Variants in KIF26B observed in about 807,000 individuals in gnomAD.
KIF26B encodes kinesin family member 26B.
A neutral mutation model predicts 151.2 loss-of-function variants in KIF26B; 63 were observed. The ratio of observed to expected loss-of-function variants is 0.42; its 90% CI spans 0.34 to 0.51. KIF26B has a LOEUF of 0.51. Ranked by LOEUF, KIF26B falls within the 20% of genes least tolerant of loss-of-function variation. KIF26B has a pLI of 0.07. For synonymous variants in KIF26B, 1,357 were observed against 1,262.1 expected, an observed-to-expected ratio of 1.08 and a Z score of -1.59; for missense variants, 2,813 against 2,913.6, an observed-to-expected ratio of 0.97 and a Z score of 0.79.
At position 245,702,339 on chromosome 1, in the gene KIF26B, C is replaced by T. The variant is rs752985155; in HGVS notation, c.6179-119C>T. 95 of 1,107,110 alleles carry T rather than the reference C, an allele frequency of 8.6e-5. No homozygotes were observed. The highest frequency in any genetic ancestry group is 1.1e-4 in the Non-Finnish European group (85 of 761,426). 68.6% of individuals were successfully genotyped at this position (1,107,110 alleles called of 1,614,324 possible). Reference sequence around the variant, plus strand: ...GAACTCTGCAGTGGCCTAAGGCAAGCGAACTAGACCTTTAGACCAAGGGGT... The same window carrying T: ...GAACTCTGCAGTGGCCTAAGGCAAGTGAACTAGACCTTTAGACCAAGGGGT... On this transcript the variant is annotated intron_variant, in intron 14 of 14. Coordinates refer to ENST00000407071, the MANE Select transcript of KIF26B (RefSeq NM_018012.4). The surrounding 1 kb of genome is among the most constrained non-coding windows in gnomAD (Gnocchi z 4.1).
intron 2 of KIF26B, among the ~76,000 whole-genome samples, chr1:245,230,940 T>C (rs1347586235): frequency 6.6e-6 from 1 of 151,522 alleles, no homozygotes; most frequent in Non-Finnish European, 1.5e-5. Flanking sequence ...CTGGAAAATG[T>C]AAAATTAAAG....
chr1:245,183,607 T>C (rs1668944025), intron 2 of KIF26B, among the ~76,000 whole-genome samples: 1 of 152,210 alleles, frequency 6.6e-6, no homozygotes, highest in Admixed American at 6.5e-5. Context: ...CTGGGTAGAA[T>C]CAAGATTGCA....
chr1:245,508,092 C>T (rs1305005633), intron 4 of KIF26B, among the ~76,000 whole-genome samples: 3 of 152,136 alleles, frequency 2.0e-5, no homozygotes, highest in Admixed American at 1.3e-4. Context: ...GGTGTACACA[C>T]CAAGTGATGA....
At chr1:245,608,341 A>C (rs1004921988) in intron 7 of KIF26B, among the ~76,000 whole-genome samples, 2 of 152,120 alleles carry the variant, frequency 1.3e-5, no homozygotes, top group African/African-American at 4.8e-5. Flanking sequence ...CACGCTTGAT[A>C]TGTTTAGTGA....
rs532233880 is a variant in KIF26B, at chr1:245,287,276, A to T, written c.466-79558A>T. On this transcript the variant is annotated intron_variant, in intron 2 of 14. Transcript: ENST00000407071. ...TTATTAAACTTTTTTTTAAGGATTC[A>T]TATATGGTTCATTTCGTGTACTGGT... Among the ~76,000 whole-genome samples, 229 of 152,168 alleles carry T rather than the reference A, an allele frequency of 1.5e-3. 1 individual carries two copies. The highest frequency in any genetic ancestry group is 2.0e-3 in the Non-Finnish European group (138 of 68,024).
intron 2 of KIF26B, among the ~76,000 whole-genome samples, chr1:245,216,481 A>G (rs1370250110): frequency 6.7e-6 from 1 of 150,076 alleles, no homozygotes; most frequent in African/African-American, 2.5e-5. Context: ...CCAAACTATT[A>G]AAAATAAAAC....
At position 245,495,005 on chromosome 1, in the gene KIF26B, G is replaced by C. The variant is rs1322442017; in HGVS notation, c.1167-45762G>C. Among the ~76,000 whole-genome samples, 1 of 152,096 alleles carries C rather than the reference G, an allele frequency of 6.6e-6. No homozygotes were observed. Among genetic ancestry groups the C allele is most frequent in the African/African-American group, 2.4e-5 (1 of 41,396 alleles). Reference sequence around the variant, plus strand: ...CAGTGAGTCAACTTCACTTCAGCCTGAGTGACAGAGATCCTGTCTCACAAA... The same window carrying C: ...CAGTGAGTCAACTTCACTTCAGCCTCAGTGACAGAGATCCTGTCTCACAAA... On this transcript the variant is annotated intron_variant, in intron 4 of 14. Transcript: ENST00000407071. This position sits in a 1 kb window ranked among gnomAD's most constrained non-coding sequence, Gnocchi z 4.2.
chr1:245,645,156 C>A (rs1208096921), intron 9 of KIF26B, among the ~76,000 whole-genome samples: 1 of 151,930 alleles, frequency 6.6e-6, no homozygotes, highest in Admixed American at 6.5e-5. Context: ...TCCCACCAGG[C>A]CCCATCTCCA....
intron 5 of KIF26B, among the ~76,000 whole-genome samples, chr1:245,596,826 G>A (rs1479829716): frequency 2.0e-5 from 3 of 152,132 alleles, no homozygotes; most frequent in Admixed American, 6.5e-5. Flanking sequence ...CCTGTATTGG[G>A]TGCATATATA....
intron 2 of KIF26B, among the ~76,000 whole-genome samples, chr1:245,275,509 G>C (rs1479396253): frequency 1.3e-5 from 2 of 152,142 alleles, no homozygotes; most frequent in East Asian, 3.9e-4. Context: ...TTTTGTATAA[G>C]ATGTAAGGAA....
At chr1:245,581,200 A>C (rs537124644) in intron 5 of KIF26B, among the ~76,000 whole-genome samples, 1 of 152,308 alleles carries the variant, frequency 6.6e-6, no homozygotes, top group South Asian at 2.1e-4. Flanking sequence ...TAACATTTAA[A>C]CAATTGTTTC....
chr1:245,600,591 T>G (rs1351163102), intron 5 of KIF26B, among the ~76,000 whole-genome samples: 1 of 150,420 alleles, frequency 6.6e-6, no homozygotes, highest in African/African-American at 2.4e-5. Flanking sequence ...TGCTGGGCAT[T>G]CAATTCCTAG....
At chr1:245,634,424 A>T (rs2043813412) in intron 9 of KIF26B, among the ~76,000 whole-genome samples, 1 of 152,194 alleles carries the variant, frequency 6.6e-6, no homozygotes, top group Non-Finnish European at 1.5e-5. Flanking sequence ...GAGGGAAGGC[A>T]TTTAGTCTTT....
intron 2 of KIF26B, among the ~76,000 whole-genome samples, chr1:245,188,190 G>A (rs2103531240): frequency 7.1e-6 from 1 of 140,816 alleles, no homozygotes. Flanking sequence ...TAAGGCAGGA[G>A]AATCACTTGA....
intron 5 of KIF26B, among the ~76,000 whole-genome samples, chr1:245,568,251 C>T (rs75779535): frequency 0.061 from 8,854 of 145,412 alleles, 462 homozygotes; most frequent in East Asian, 0.22. Flanking sequence ...CACCGTGGCT[C>T]ATACATGTAA....
chr1:245,183,168 T>C (rs1019009761), intron 2 of KIF26B, among the ~76,000 whole-genome samples: 1 of 152,210 alleles, frequency 6.6e-6, no homozygotes, highest in Non-Finnish European at 1.5e-5. Context: ...TTTGTTGTTG[T>C]TATTGAGTTG....
intron 2 of KIF26B, among the ~76,000 whole-genome samples, chr1:245,204,522 C>T (rs957824664): frequency 5.9e-5 from 9 of 152,012 alleles, no homozygotes; most frequent in Admixed American, 2.6e-4. Flanking sequence ...TACAAGCGCC[C>T]GCCACCATGC....
chr1:245,295,738 AT>A (rs1671325555), intron 2 of KIF26B, among the ~76,000 whole-genome samples: 2 of 152,218 alleles, frequency 1.3e-5, no homozygotes, highest in Non-Finnish European at 2.9e-5. Context: ...ACTAGAACTA[AT>A]TGGAAGTAAG....
intron 3 of KIF26B, among the ~76,000 whole-genome samples, chr1:245,387,701 C>G (rs138781142): frequency 2.0e-5 from 3 of 152,020 alleles, no homozygotes; most frequent in Non-Finnish European, 4.4e-5. Flanking sequence ...CAAAAAAACC[C>G]GCAACAAACT....
Sources: allele counts gnomAD v4.1 joint callset (sites outside exome capture counted in the v4.1 genomes callset), GRCh38; gene constraint gnomAD v4.1.1; non-coding constraint Gnocchi (gnomAD v3.1); transcripts MANE v1.5; gene names NCBI Gene and HGNC (gene_info 2026-07-23, HGNC 2026-07-21).